Variants in KLHL26 observed in about 807,000 individuals in gnomAD.
KLHL26 encodes the protein kelch-like protein 26.
In KLHL26, 4 loss-of-function variants were observed where a neutral mutation model predicts 7.1. The ratio of observed to expected loss-of-function variants is 0.56; its 90% confidence interval spans 0.28 to 1.28. KLHL26 has a LOEUF of 1.28. Ranked by LOEUF, KLHL26 falls within the 50% of genes most tolerant of loss-of-function variation. KLHL26 has a pLI of 0.11. For missense variants in KLHL26, 896 were observed against 924.6 expected, an observed-to-expected ratio of 0.97 and a Z score of 0.40; for synonymous variants, 465 against 414.1, an observed-to-expected ratio of 1.12 and a Z score of -1.49.
In KLHL26 at chr19:18,664,325, C is replaced by T. The variant is rs770781255; in HGVS notation, c.148C>T (p.Leu50=). The part of the protein sequence containing the change: ...FSAPSHSTSL[L]QGLATLRAQG... ...GGCACCCAGCCACAGCACCAGCCTC[C>T]TGCAGGGCCTGGCCACCCTCCGCGC... The change falls in exon 2 of 3, where the codon CTG becomes TTG. Residue 50 remains leucine, a synonymous_variant. Transcript: ENST00000300976. 1.9e-6 allele frequency: 3 copies of T among 1,609,692 alleles called. No homozygotes were observed. Among genetic ancestry groups the T allele is most frequent in the Non-Finnish European group, 2.5e-6 (3 of 1,179,782 alleles).
Position 18,668,164 on chromosome 19 carries a change from T to C in KLHL26, c.767T>C (p.Met256Thr). Reference protein sequence around the residue: ...HVLCHIRFPLMQSSELVDSVQ... With the variant: ...HVLCHIRFPLTQSSELVDSVQ... ...CTCTGCCACATTCGCTTCCCGCTCA[T>C]GCAGTCGTCCGAGCTGGTGGACAGC... Residue 256 changes from methionine (M) to threonine (T), a missense_variant, in exon 3 of 3, where the codon ATG becomes ACG. Met to Thr is a moderately conservative substitution (Grantham distance 81). Transcript: ENST00000300976. 6.2e-7 allele frequency: 1 copy of C among 1,609,342 alleles called. No homozygotes were observed.
chr19:18,637,764 C>T (rs1326232909), intron 1 of KLHL26, among the ~76,000 whole-genome samples: 3 of 151,914 alleles, frequency 2.0e-5, no homozygotes. Flanking sequence ...TTATAAAGAA[C>T]ATACAGAGGG....
In KLHL26 at chr19:18,671,422, T is replaced by G. The variant is rs2052523966; in HGVS notation, c.*2177T>G. 1 of 152,258 alleles carries G rather than the reference T, an allele frequency of 6.6e-6. No homozygotes were observed. The highest frequency in any genetic ancestry group is 2.4e-5 in the African/African-American group (1 of 41,462). The allele number at this position is 152,258 out of a possible 1,614,324, so 9.4% of individuals were successfully genotyped here. A position where few individuals can be genotyped will look rare whatever the true frequency, so the allele number is the denominator to read the frequency against. On this transcript the variant is annotated 3_prime_UTR_variant, in exon 3 of 3. Transcript: ENST00000300976. ...TCCCCCAAAGAGAACCCTTCCCCAC[T>G]GGAGGCATGGCCCCTTCAGGGGAGC...
intron 1 of KLHL26, among the ~76,000 whole-genome samples, chr19:18,655,863 G>A (rs949559089): frequency 2.0e-5 from 3 of 149,582 alleles, no homozygotes; most frequent in Middle Eastern, 3.2e-3. Context: ...TCCATTGGCC[G>A]CAGTCAGAGC....
chr19:18,668,593 T>G lies in KLHL26; in HGVS notation c.1196T>G (p.Met399Arg). 6.3e-7 allele frequency: 1 copy of G among 1,589,890 alleles called. No homozygotes were observed. Among genetic ancestry groups the G allele is most frequent in the Non-Finnish European group, 8.5e-7 (1 of 1,173,708 alleles). Residue 399 changes from methionine (M) to arginine (R), a missense_variant, in exon 3 of 3, where the codon ATG (methionine) becomes AGG (arginine). Transcript: ENST00000300976. ...HLNRWLRLQA[M>R]QESRIQFQLN... ...AATCGCTGGCTGCGCCTGCAGGCCA[T>G]GCAGGAAAGCCGCATCCAGTTCCAG...
At chr19:18,653,579 A>C (rs1331108793) in intron 1 of KLHL26, among the ~76,000 whole-genome samples, 1 of 30,400 alleles carries the variant, frequency 3.3e-5, no homozygotes, top group African/African-American at 1.5e-4. Context: ...CCACCCATCC[A>C]CCCTACCATC....
chr19:18,663,299 C>T (rs1342718114), intron 1 of KLHL26, among the ~76,000 whole-genome samples: 1 of 152,200 alleles, frequency 6.6e-6, no homozygotes, highest in African/African-American at 2.4e-5. Flanking sequence ...GTCTTGATCA[C>T]TCACCCTTTC....
At position 18,650,012 on chromosome 19, in the gene KLHL26, C is replaced by A. The variant is rs545558466; in HGVS notation, c.83+12875C>A. 3.9e-5 allele frequency among the ~76,000 whole-genome samples: 6 copies of A among 152,336 alleles called. No individual in the cohort carries two copies. In the South Asian group the frequency reaches 1.0e-3, roughly 26 times the overall value. ...ACCAGCACCTTGGGGGAATCACAGA[C>A]CTTTCCTGCGAGGGCAAGGGCTTCC... is the stretch of plus-strand genomic sequence containing the variant. On this transcript the variant is annotated intron_variant, in intron 1 of 2. Coordinates refer to ENST00000300976, the MANE Select transcript of KLHL26 (RefSeq NM_018316.3). This position sits in a 1 kb window ranked among gnomAD's most constrained non-coding sequence, Gnocchi z 4.2.
chr19:18,637,256 T>C, intron 1 of KLHL26, 119 bp downstream of exon 1: 4 of 1,090,118 alleles, frequency 3.7e-6, no homozygotes, highest in South Asian at 8.8e-5. Flanking sequence ...GGTCTTTCGC[T>C]GAGAATTTGG....
At position 18,668,469 on chromosome 19, in the gene KLHL26, G is replaced by A. The variant is rs764731723; in HGVS notation, c.1072G>A (p.Val358Met). Residue 358 changes from valine to methionine, a missense_variant, in exon 3 of 3, where the codon GTG becomes ATG. Physicochemically the swap from Val to Met is conservative, Grantham distance 21. Coordinates refer to ENST00000300976, the MANE Select transcript of KLHL26 (RefSeq NM_018316.3). ...EVGCSHTCVAVLDNFVYVAGG... is the reference protein window; with the variant it reads ...EVGCSHTCVAMLDNFVYVAGG... ...AGGCTGCAGCCACACGTGCGTGGCC[G>A]TGCTGGACAATTTTGTGTACGTGGC... 10 of 1,610,354 alleles carry A rather than the reference G, an allele frequency of 6.2e-6. No homozygotes were observed. The highest frequency in any genetic ancestry group is 4.5e-5 in the East Asian group (2 of 44,868).
intron 1 of KLHL26, among the ~76,000 whole-genome samples, chr19:18,647,991 G>A (rs1209668368): frequency 6.6e-6 from 1 of 152,220 alleles, no homozygotes; most frequent in Non-Finnish European, 1.5e-5. Flanking sequence ...AGAACGTCGT[G>A]CGGTCATTTC....
At chr19:18,665,720 C>G (rs995466866) in intron 2 of KLHL26, among the ~76,000 whole-genome samples, 1 of 152,202 alleles carries the variant, frequency 6.6e-6, no homozygotes, top group African/African-American at 2.4e-5. Context: ...GGGGTGCTTT[C>G]TCCTCGCCAG....
In KLHL26 at chr19:18,648,557, C is replaced by T. The variant is rs1236550095; in HGVS notation, c.83+11420C>T. Among the ~76,000 whole-genome samples, 1 of 152,220 alleles carries T rather than the reference C, an allele frequency of 6.6e-6. No individual in the cohort carries two copies. Among genetic ancestry groups the T allele is most frequent in the Non-Finnish European group, 1.5e-5 (1 of 68,032 alleles). ...TCCCGCGCGGCTGCACTGCCTGCAA[C>T]AAGCAGCAGACTTGGAGGCGCCACC... On this transcript the variant is annotated intron_variant, in intron 1 of 2. Transcript: ENST00000300976. This position sits in a 1 kb window ranked among gnomAD's most constrained non-coding sequence, Gnocchi z 4.9.
Position 18,668,031 on chromosome 19 carries a change from T to A in KLHL26, c.634T>A (p.Phe212Ile). Residue 212 changes from phenylalanine (F) to isoleucine (I), a missense_variant, in exon 3 of 3, where the codon TTC becomes ATC. By Grantham distance (21) the Phe-to-Ile change is conservative. Coordinates refer to ENST00000300976, the MANE Select transcript of KLHL26 (RefSeq NM_018316.3). ...LRLPLERLVFFLQSNRLQSCA... is the reference protein window; with the variant it reads ...LRLPLERLVFILQSNRLQSCA... Reference sequence around the variant, plus strand: ...CCTGCCACTGGAGCGCCTGGTCTTCTTCCTGCAGAGCAACCGGCTGCAGAG... The same window carrying A: ...CCTGCCACTGGAGCGCCTGGTCTTCATCCTGCAGAGCAACCGGCTGCAGAG... 6.2e-7 allele frequency: 1 copy of A among 1,609,000 alleles called. No homozygotes were observed. Among genetic ancestry groups the A allele is most frequent in the African/African-American group, 1.3e-5 (1 of 75,060 alleles).
chr19:18,653,297 C>T (rs2052280540), intron 1 of KLHL26, among the ~76,000 whole-genome samples: 1 of 151,640 alleles, frequency 6.6e-6, no homozygotes, highest in African/African-American at 2.4e-5. Flanking sequence ...TTCTTACCCA[C>T]CTGTTCACAC....
chr19:18,668,749 G>C lies in KLHL26; in HGVS notation c.1352G>C (p.Trp451Ser), dbSNP rs776954780. The stretch of plus-strand genomic sequence containing the variant: ...GCCTGCTCGCTGAAGCGCCGTACCT[G>C]GGGCCATGCTGGGGCCGCCTCAGGG... ...GYACSLKRRT[W>S]GHAGAASGGR... The change falls in exon 3 of 3, where the codon TGG (tryptophan) becomes TCG (serine). Residue 451 changes from tryptophan (W) to serine (S), a missense_variant. Coordinates refer to ENST00000300976, the MANE Select transcript of KLHL26 (RefSeq NM_018316.3). 1 of 1,588,616 alleles carries C rather than the reference G, an allele frequency of 6.3e-7. No individual in the cohort carries two copies. The highest frequency in any genetic ancestry group is 8.5e-7 in the Non-Finnish European group (1 of 1,174,420).
At position 18,656,996 on chromosome 19, in the gene KLHL26, C is replaced by G. The variant is rs574762463; in HGVS notation, c.84-7265C>G. ...GTCTCCCTGTCTCTGGGTCTCTGTC[C>G]TTCTGTCTTTGCATCTCTGTCTCTG... On this transcript the variant is annotated intron_variant, in intron 1 of 2. Transcript: ENST00000300976. This position sits in a 1 kb window ranked among gnomAD's most constrained non-coding sequence, Gnocchi z 4.4. 1.5e-5 allele frequency among the ~76,000 whole-genome samples: 2 copies of G among 131,892 alleles called. No individual in the cohort carries two copies. Among genetic ancestry groups the G allele is most frequent in the Non-Finnish European group, 3.3e-5 (2 of 60,900 alleles). 86.5% of individuals were successfully genotyped at this position (131,892 alleles called of 152,430 possible). A position where few individuals can be genotyped will look rare whatever the true frequency, so the allele number is the denominator to read the frequency against.
Position 18,668,574 on chromosome 19 carries a change from T to C in KLHL26, c.1177T>C (p.Trp393Arg). The C allele has an allele frequency of 6.3e-7, 1 of 1,591,670 alleles. No individual in the cohort carries two copies. Among genetic ancestry groups the C allele is most frequent in the Non-Finnish European group, 8.5e-7 (1 of 1,173,892 alleles). The change falls in exon 3 of 3, where the codon TGG becomes CGG. Residue 393 changes from tryptophan to arginine, a missense_variant. Trp to Arg is a moderately radical substitution (Grantham distance 101, BLOSUM62 -3). Coordinates refer to ENST00000300976, the MANE Select transcript of KLHL26 (RefSeq NM_018316.3). ...CYRYDPHLNRWLRLQAMQESR... is the reference protein window; with the variant it reads ...CYRYDPHLNRRLRLQAMQESR... ...CCGCTACGACCCCCACCTGAATCGC[T>C]GGCTGCGCCTGCAGGCCATGCAGGA...
In KLHL26 at chr19:18,667,994, G is replaced by T. The variant is rs775068280; in HGVS notation, c.597G>T (p.Glu199Asp). The T allele has an allele frequency of 1.2e-6, 2 of 1,608,476 alleles. No individual in the cohort carries two copies. The highest frequency in any genetic ancestry group is 1.7e-6 in the Non-Finnish European group (2 of 1,179,958). Residue 199 changes from glutamate (E) to aspartate (D), a missense_variant, in exon 3 of 3, where the codon GAG (glutamate) becomes GAT (aspartate). Coordinates refer to ENST00000300976, the MANE Select transcript of KLHL26 (RefSeq NM_018316.3). ...FRHFLQIAEE[E>D]DFLRLPLERL... The stretch of plus-strand genomic sequence containing the variant: ...ACTTCCTGCAGATCGCCGAGGAGGA[G>T]GATTTCCTGCGCCTGCCACTGGAGC...
Sources: allele counts gnomAD v4.1 joint callset (sites outside exome capture counted in the v4.1 genomes callset), GRCh38; gene constraint gnomAD v4.1.1; non-coding constraint Gnocchi (gnomAD v3.1); transcripts MANE v1.5; gene names NCBI Gene and HGNC (gene_info 2026-07-23, HGNC 2026-07-21).